The following PFKFB4 variants were observed in gnomAD, a reference collection of about 807,000 sequenced individuals.
PFKFB4 encodes the protein 6-phosphofructo-2-kinase/fructose-2,6-biphosphatase 4.
A neutral mutation model predicts 62.8 loss-of-function variants in PFKFB4; 42 were observed. That is an observed-to-expected ratio of 0.67 (90% CI 0.52 to 0.86). The LOEUF (loss-of-function observed/expected upper bound fraction) is 0.86, where lower values mean the gene tolerates loss of function less well. Ranked by LOEUF, PFKFB4 falls within the 40% of genes least tolerant of loss-of-function variation. The probability of loss-of-function intolerance (pLI) is 0.00; values close to 1 mark genes in which losing one functional copy is unlikely to be tolerated. For missense variants in PFKFB4, 475 were observed against 627.2 expected (o/e 0.76, Z 2.59); for synonymous variants, 204 against 240.7 (o/e 0.85, Z 1.41).
At chr3:48,526,749 G>A (rs557162224) in intron 9 of PFKFB4, among the ~76,000 whole-genome samples, 2 of 150,920 alleles carry the variant, frequency 1.3e-5, no homozygotes, top group South Asian at 4.2e-4. Flanking sequence ...GACCAGCCTG[G>A]CCAATATGGT....
chr3:48,528,119 T>C (rs2042322179), intron 9 of PFKFB4, among the ~76,000 whole-genome samples: 1 of 151,852 alleles, frequency 6.6e-6, no homozygotes, highest in South Asian at 2.1e-4. Context: ...AGAGAAAAGG[T>C]AATCCATGTT....
At chr3:48,525,702 C>T (rs2042235604) in intron 9 of PFKFB4, 33 bp from the exon 10 acceptor site, 1 of 1,284,250 alleles carries the variant, frequency 7.8e-7, no homozygotes, top group African/African-American at 1.5e-5. Flanking sequence ...ACACCTCCTA[C>T]AGGCCCAGAA....
intron 9 of PFKFB4, among the ~76,000 whole-genome samples, chr3:48,526,303 A>G (rs1042439408): frequency 1.4e-5 from 2 of 147,620 alleles, no homozygotes; most frequent in African/African-American, 5.1e-5. Context: ...GGTGGCTCAC[A>G]GCTCACAGCC....
chr3:48,532,123 A>T (rs201066395), intron 9 of PFKFB4, among the ~76,000 whole-genome samples: 1 of 152,162 alleles, frequency 6.6e-6, no homozygotes, highest in African/African-American at 2.4e-5. Flanking sequence ...TCTGGCCAAC[A>T]TGGTGAAACC....
At chr3:48,520,286 C>T (rs1560147225) in intron 13 of PFKFB4, among the ~76,000 whole-genome samples, 1 of 152,194 alleles carries the variant, frequency 6.6e-6, no homozygotes, top group Non-Finnish European at 1.5e-5. Flanking sequence ...CCCCTCAGAA[C>T]TGGGGTACAG....
chr3:48,518,940 C>T lies in PFKFB4; in HGVS notation c.*807G>A, dbSNP rs1348540012. ...GGTGTGTGCACCAGGAAGGTAACTT[C>T]CTGCCCTGTCTTGAAGTGGTTTCAC... On this transcript the variant is annotated 3_prime_UTR_variant, in exon 14 of 14. Transcript: ENST00000232375. 1 of 152,176 alleles carries T rather than the reference C, an allele frequency of 6.6e-6. No individual in the cohort carries two copies. Among genetic ancestry groups the T allele is most frequent in the Non-Finnish European group, 1.5e-5 (1 of 68,030 alleles). The allele number at this position is 152,176 out of a possible 1,614,324, so 9.4% of individuals were successfully genotyped here. A position where few individuals can be genotyped will look rare whatever the true frequency, so the allele number is the denominator to read the frequency against.
chr3:48,548,873 T>C (rs1466732951), intron 3 of PFKFB4, among the ~76,000 whole-genome samples: 1 of 152,136 alleles, frequency 6.6e-6, no homozygotes, highest in African/African-American at 2.4e-5. Flanking sequence ...ACAAAGGCAG[T>C]CTCCAGTCTG....
intron 4 of PFKFB4, among the ~76,000 whole-genome samples, chr3:48,541,252 C>T (rs940654687): frequency 1.1e-4 from 17 of 151,960 alleles, no homozygotes; most frequent in East Asian, 3.9e-4. Context: ...CTCAGCCTCC[C>T]GAGTAGCTGG....
Position 48,539,788 on chromosome 3 carries a change from G to C in PFKFB4, c.379-17C>G. 2 of 1,608,010 alleles carry C rather than the reference G, an allele frequency of 1.2e-6. No individual in the cohort carries two copies. The highest frequency in any genetic ancestry group is 1.1e-5 in the South Asian group (1 of 90,958). The stretch of plus-strand genomic sequence containing the variant: ...ATCAAAAACCTAGGACCAAACTAGG[G>C]TTAACTCAGCCTCTGGCCCTGGGGA... On this transcript the variant is annotated splice_polypyrimidine_tract_variant and intron_variant, in intron 4 of 13. Coordinates refer to ENST00000232375, the MANE Select transcript of PFKFB4 (RefSeq NM_004567.4).
At chr3:48,551,827 G>C (rs2043166637) in intron 1 of PFKFB4, among the ~76,000 whole-genome samples, 1 of 152,154 alleles carries the variant, frequency 6.6e-6, no homozygotes, top group African/African-American at 2.4e-5. Context: ...TTACAGGCGT[G>C]AGCCCAGCCC....
chr3:48,528,382 C>A (rs1186229885), intron 9 of PFKFB4, among the ~76,000 whole-genome samples: 6 of 152,200 alleles, frequency 3.9e-5, no homozygotes, highest in Admixed American at 3.9e-4. Context: ...AAAACTTATG[C>A]CGGATGCGGT....
rs148410268 is a variant in PFKFB4, at chr3:48,550,814, A to G, written c.98-580T>C. 1.5e-3 allele frequency among the ~76,000 whole-genome samples: 224 copies of G among 152,112 alleles called. 1 individual carries two copies. Among genetic ancestry groups the G allele is most frequent in the African/African-American group, 5.2e-3 (214 of 41,498 alleles). On this transcript the variant is annotated intron_variant, in intron 1 of 13. Transcript: ENST00000232375. ...CCACCGGGAACACCCCTCACCCTCA[A>G]TCCTGGTCACCTCACTAATGACACT...
In PFKFB4 at chr3:48,523,565, T is replaced by G; in HGVS notation, c.1257A>C (p.Thr419=). ...ATGCCACAGGAGTCAGCTTCAGGACTGTGTGCAGCGGACACTTGAGGTAGG... is the reference window on the plus strand; with the variant it reads ...ATGCCACAGGAGTCAGCTTCAGGACGGTGTGCAGCGGACACTTGAGGTAGG... ...QLPYLKCPLH[T]VLKLTPVAYG... The change falls in exon 12 of 14, where the codon ACA becomes ACC. Residue 419 remains threonine (T), a synonymous_variant. Coordinates refer to ENST00000232375, the MANE Select transcript of PFKFB4 (RefSeq NM_004567.4). The G allele has an allele frequency of 6.2e-7, 1 of 1,614,148 alleles. No individual in the cohort carries two copies. Among genetic ancestry groups the G allele is most frequent in the Non-Finnish European group, 8.5e-7 (1 of 1,180,008 alleles).
chr3:48,563,003 C>T (rs781323282), upstream of PFKFB4: 23 of 1,609,410 alleles, frequency 1.4e-5, 1 homozygote, highest in East Asian at 1.6e-4. This position sits in a 1 kb window ranked among gnomAD's most constrained non-coding sequence, Gnocchi z 4.5. Flanking sequence ...GGCCGCAGGT[C>T]GGGGAGTGGT....
chr3:48,539,755 T>G lies in PFKFB4; in HGVS notation c.395A>C (p.Asn132Thr), dbSNP rs773793520. 10 of 1,614,062 alleles carry G rather than the reference T, an allele frequency of 6.2e-6. No homozygotes were observed. Among genetic ancestry groups the G allele is most frequent in the Non-Finnish European group, 8.5e-6 (10 of 1,179,952 alleles). The change falls in exon 5 of 14, where the codon AAC becomes ACC. Residue 132 changes from asparagine (N) to threonine (T), a missense_variant. By Grantham distance (65) the Asn-to-Thr change is moderately conservative (BLOSUM62 0). Transcript: ENST00000232375. ...GGTCGCTCTCCGTTCTCGGGTGGTG[T>G]TTGTGGCATCAAAAACCTAGGACCA... ...GGHVAVFDAT[N>T]TTRERRATIF...
chr3:48,520,600 T>C (rs868413260), intron 13 of PFKFB4, among the ~76,000 whole-genome samples: 1 of 152,130 alleles, frequency 6.6e-6, no homozygotes, highest in Non-Finnish European at 1.5e-5. Flanking sequence ...CCTGGGCTCA[T>C]AGGACCGGCC....
At chr3:48,524,555 C>A (rs1482750808) in intron 10 of PFKFB4, among the ~76,000 whole-genome samples, 2 of 152,216 alleles carry the variant, frequency 1.3e-5, no homozygotes, top group Non-Finnish European at 2.9e-5. Context: ...AATTTCTCAA[C>A]CAATTCTCCT....
upstream of PFKFB4, chr3:48,561,667 A>G (rs373751197): frequency 5.3e-5 from 8 of 151,538 alleles, no homozygotes; most frequent in East Asian, 9.7e-4. This position sits in a 1 kb window ranked among gnomAD's most constrained non-coding sequence, Gnocchi z 5.2. Flanking sequence ...TTTATTGAGC[A>G]CCTCCTGCTG....
At chr3:48,535,322 G>GA (rs1440200641) in intron 9 of PFKFB4, among the ~76,000 whole-genome samples, 190 bp downstream of exon 9, 7 of 152,070 alleles carry the variant, frequency 4.6e-5, no homozygotes, top group African/African-American at 1.7e-4. Flanking sequence ...TCCTGAGAAT[G>GA]GTCTAGGGCT....
Sources: allele counts gnomAD v4.1 joint callset (sites outside exome capture counted in the v4.1 genomes callset), GRCh38; gene constraint gnomAD v4.1.1; non-coding constraint Gnocchi (gnomAD v3.1); transcripts MANE v1.5; gene names NCBI Gene and HGNC (gene_info 2026-07-23, HGNC 2026-07-21).